KIRREL3: variants seen among roughly 807,000 people sequenced by gnomAD.
The protein encoded by KIRREL3 is kirre like nephrin family adhesion molecule 3.
In KIRREL3, 36 loss-of-function variants were observed where a neutral mutation model predicts 89.7. The ratio of observed to expected loss-of-function variants is 0.40; its 90% confidence interval spans 0.31 to 0.53. The LOEUF (loss-of-function observed/expected upper bound fraction) is 0.53. Ranked by LOEUF, KIRREL3 falls within the 20% of genes least tolerant of loss-of-function variation. The pLI, the probability that KIRREL3 is intolerant of heterozygous loss-of-function variation, is 0.49. For missense variants in KIRREL3, 864 were observed against 1,056.6 expected (o/e 0.82, Z 2.53); for synonymous variants, 445 against 441.4 (o/e 1.01, Z -0.10).
intron 1 of KIRREL3, among the ~76,000 whole-genome samples, chr11:126,638,050 T>G (rs1280340814): frequency 6.6e-6 from 1 of 152,222 alleles, no homozygotes; most frequent in Non-Finnish European, 1.5e-5. Context: ...CGTGTGGAAC[T>G]AAGGCTCAAC....
rs747809994 is a variant in KIRREL3, at chr11:126,642,522, T to G, written c.56-79610A>C. On this transcript the variant is annotated intron_variant, in intron 1 of 16. Coordinates refer to ENST00000525144, the MANE Select transcript of KIRREL3 (RefSeq NM_032531.4). This position sits in a 1 kb window ranked among gnomAD's most constrained non-coding sequence, Gnocchi z 4.9. ...TTTCCATTCCCCATCCCCTTTCCTC[T>G]GCCTTTTCCAAGCAAACTCTTACTC... is the stretch of plus-strand genomic sequence containing the variant. Among the ~76,000 whole-genome samples the G allele has an allele frequency of 6.6e-6, 1 of 152,242 alleles. No individual in the cohort carries two copies. The highest frequency in any genetic ancestry group is 1.5e-5 in the Non-Finnish European group (1 of 68,046).
chr11:126,889,287 C>A (rs998167179), intron 1 of KIRREL3, among the ~76,000 whole-genome samples: 1 of 151,610 alleles, frequency 6.6e-6, no homozygotes, highest in Non-Finnish European at 1.5e-5. Context: ...ACTAGTTTGC[C>A]TTTTTAAAAA....
At chr11:126,436,067 G>T (rs1955320733) in intron 12 of KIRREL3, among the ~76,000 whole-genome samples, 1 of 152,228 alleles carries the variant, frequency 6.6e-6, no homozygotes, top group Non-Finnish European at 1.5e-5. Context: ...GTGCCTGAGA[G>T]CTCTGAGCAG....
chr11:126,468,252 G>A (rs193112245), intron 5 of KIRREL3, among the ~76,000 whole-genome samples: 1 of 152,218 alleles, frequency 6.6e-6, no homozygotes, highest in Non-Finnish European at 1.5e-5. Flanking sequence ...CTGGCGCCAG[G>A]CCCTCAGAAG....
chr11:126,446,266 C>CTT lies in KIRREL3; in HGVS notation c.1125+492_1125+493insAA, dbSNP rs750898586. Among the ~76,000 whole-genome samples, 54 of 43,956 alleles carry CTT rather than the reference C, an allele frequency of 1.2e-3. 1 individual carries two copies. Among genetic ancestry groups the CTT allele is most frequent in the Admixed American group, 3.7e-3 (12 of 3,238 alleles). 28.8% of individuals were successfully genotyped at this position (43,956 alleles called of 152,430 possible). On this transcript the variant is annotated intron_variant, in intron 9 of 16. Transcript: ENST00000525144. Reference sequence around the variant, plus strand: ...CTTTCTTTCTCTTTCTTTTCTTTCTCTCTCTTTCTTTTCTTTCTCCTTTCT... The same window carrying CTT: ...CTTTCTTTCTCTTTCTTTTCTTTCTCTTTCTCTTTCTTTTCTTTCTCCTTTCT...
In KIRREL3 at chr11:126,997,370, AG is replaced by A. The variant is rs1459810790; in HGVS notation, c.55+3084del. Among the ~76,000 whole-genome samples the A allele has an allele frequency of 6.6e-6, 1 of 152,164 alleles. No homozygotes were observed. Among genetic ancestry groups the A allele is most frequent in the Non-Finnish European group, 1.5e-5 (1 of 68,024 alleles). On this transcript the variant is annotated intron_variant, in intron 1 of 16. Coordinates refer to ENST00000525144, the MANE Select transcript of KIRREL3 (RefSeq NM_032531.4). This position sits in a 1 kb window ranked among gnomAD's most constrained non-coding sequence, Gnocchi z 4.3. The stretch of plus-strand genomic sequence containing the variant: ...GCTGAGGGAAGAGGCATCCACGGCA[AG>A]GGAGAAGCCCACAAGCAGTACACAC...
rs569209516 is a variant in KIRREL3, at chr11:126,729,364, C to A, written c.56-166452G>T. On this transcript the variant is annotated intron_variant, in intron 1 of 16. Coordinates refer to ENST00000525144, the MANE Select transcript of KIRREL3 (RefSeq NM_032531.4). This position sits in a 1 kb window ranked among gnomAD's most constrained non-coding sequence, Gnocchi z 4.5. ...ATAGAAGAAGAAACAGGAAGTGGAG[C>A]CTGGTGAGGAACAAAAGGTGTCACA... Among the ~76,000 whole-genome samples, 14 of 152,206 alleles carry A rather than the reference C, an allele frequency of 9.2e-5. 1 individual carries two copies. The highest frequency in any genetic ancestry group is 9.2e-4 in the Admixed American group (14 of 15,290).
intron 1 of KIRREL3, among the ~76,000 whole-genome samples, chr11:126,858,131 A>C: frequency 6.6e-6 from 1 of 152,174 alleles, no homozygotes; most frequent in Non-Finnish European, 1.5e-5. Context: ...GCTGGGAAGC[A>C]ATTTGGTCCA....
rs982021936 is a variant in KIRREL3 at position 126,890,450 on chromosome 11, G to A, written c.55+110005C>T. 6.6e-6 allele frequency among the ~76,000 whole-genome samples: 1 copy of A among 152,158 alleles called. No homozygotes were observed. The highest frequency in any genetic ancestry group is 2.1e-4 in the South Asian group (1 of 4,828). Reference sequence around the variant, plus strand: ...TCCCATCTATTTCTGAAAACTCCACGTGCTGGTCTGGCACTCTAATTGTCC... The same window carrying A: ...TCCCATCTATTTCTGAAAACTCCACATGCTGGTCTGGCACTCTAATTGTCC... On this transcript the variant is annotated intron_variant, in intron 1 of 16. Transcript: ENST00000525144. The surrounding 1 kb of genome is among the most constrained non-coding windows in gnomAD (Gnocchi z 5.1).
chr11:126,922,084 T>C (rs1444503417), intron 1 of KIRREL3, among the ~76,000 whole-genome samples: 1 of 151,082 alleles, frequency 6.6e-6, no homozygotes, highest in African/African-American at 2.4e-5. Flanking sequence ...CTTCCTATCA[T>C]CTATCTATAT....
At position 126,501,253 on chromosome 11, in the gene KIRREL3, C is replaced by T. The variant is rs1343632463; in HGVS notation, c.433+20062G>A. ...TCAGTTGGGTGAACCCAGGCAAACC[C>T]AGGAGTCAGCCTGGCTCTGGCCCTA... On this transcript the variant is annotated intron_variant, in intron 4 of 16. Transcript: ENST00000525144. This position sits in a 1 kb window ranked among gnomAD's most constrained non-coding sequence, Gnocchi z 5.8. Among the ~76,000 whole-genome samples, 2 of 152,208 alleles carry T rather than the reference C, an allele frequency of 1.3e-5. No individual in the cohort carries two copies. The highest frequency in any genetic ancestry group is 4.8e-5 in the African/African-American group (2 of 41,456).
rs143131194 is a variant in KIRREL3, at chr11:126,517,095, G to C, written c.433+4220C>G. On this transcript the variant is annotated intron_variant, in intron 4 of 16. Transcript: ENST00000525144. ...AAAACAAAAAACAAACCAAAAAAGT[G>C]TATGACACTTCACTGTTAGAGATTG... is the stretch of plus-strand genomic sequence containing the variant. 2.8e-3 allele frequency among the ~76,000 whole-genome samples: 410 copies of C among 144,976 alleles called. 2 individuals are homozygous for C. The highest frequency in any genetic ancestry group is 9.5e-3 in the African/African-American group (373 of 39,220).
rs1179977438 is a variant in KIRREL3 at position 126,640,951 on chromosome 11, C to T, written c.56-78039G>A. Among the ~76,000 whole-genome samples the T allele has an allele frequency of 6.6e-6, 1 of 152,158 alleles. No homozygotes were observed. Among genetic ancestry groups the T allele is most frequent in the African/African-American group, 2.4e-5 (1 of 41,424 alleles). ...TTTGTATCCACAGCCTAGACCACCC[C>T]CTAAACTCTGGACTCATCTATCCAA... On this transcript the variant is annotated intron_variant, in intron 1 of 16. Transcript: ENST00000525144. The surrounding 1 kb of genome is among the most constrained non-coding windows in gnomAD (Gnocchi z 4.9).
rs1957325309 is a variant in KIRREL3, at chr11:126,485,190, G to T, written c.434-11724C>A. On this transcript the variant is annotated intron_variant, in intron 4 of 16. Transcript: ENST00000525144. This position sits in a 1 kb window ranked among gnomAD's most constrained non-coding sequence, Gnocchi z 5.8. Reference sequence around the variant, plus strand: ...ACAATCGCACAGACGTGTCTCCAAGGAGGTTGGGGACAGAGAGAAAAGAGG... The same window carrying T: ...ACAATCGCACAGACGTGTCTCCAAGTAGGTTGGGGACAGAGAGAAAAGAGG... 6.6e-6 allele frequency among the ~76,000 whole-genome samples: 1 copy of T among 152,180 alleles called. No homozygotes were observed. Among genetic ancestry groups the T allele is most frequent in the Non-Finnish European group, 1.5e-5 (1 of 68,024 alleles).
In KIRREL3 at chr11:126,525,202, G is replaced by A. The variant is rs770563496; in HGVS notation, c.283+1336C>T. 6.6e-6 allele frequency among the ~76,000 whole-genome samples: 1 copy of A among 152,132 alleles called. No homozygotes were observed. Among genetic ancestry groups the A allele is most frequent in the Non-Finnish European group, 1.5e-5 (1 of 68,016 alleles). On this transcript the variant is annotated intron_variant, in intron 3 of 16. Coordinates refer to ENST00000525144, the MANE Select transcript of KIRREL3 (RefSeq NM_032531.4). The surrounding 1 kb of genome is among the most constrained non-coding windows in gnomAD (Gnocchi z 5.4). ...ACCCAGCAAGACCCCAGTCCCTGAC[G>A]GAAGTTGGAAACCCACTGACCGGGA... is the stretch of plus-strand genomic sequence containing the variant.
In KIRREL3 at chr11:126,929,317, G is replaced by A. The variant is rs542785078; in HGVS notation, c.55+71138C>T. On this transcript the variant is annotated intron_variant, in intron 1 of 16. Coordinates refer to ENST00000525144, the MANE Select transcript of KIRREL3 (RefSeq NM_032531.4). ...CCAAAATGTAGCTAATGATCCGAAT[G>A]AAATCCAGACAGGGAGTCAAGACAG... 1.4e-3 allele frequency among the ~76,000 whole-genome samples: 217 copies of A among 152,232 alleles called. 1 individual carries two copies. Among genetic ancestry groups the A allele is most frequent in the Non-Finnish European group, 2.4e-3 (163 of 68,008 alleles).
chr11:126,713,085 C>A (rs1379263965), intron 1 of KIRREL3, among the ~76,000 whole-genome samples: 1 of 152,138 alleles, frequency 6.6e-6, no homozygotes, highest in African/African-American at 2.4e-5. Flanking sequence ...GTGTGAGAAA[C>A]CTGAAACTGA....
chr11:126,560,398 A>G (rs1042259523), intron 2 of KIRREL3, among the ~76,000 whole-genome samples: 1 of 152,204 alleles, frequency 6.6e-6, no homozygotes, highest in Non-Finnish European at 1.5e-5. Context: ...CTCATTGACT[A>G]TCACGTGCCT....
At position 126,766,508 on chromosome 11, in the gene KIRREL3, C is replaced by T. The variant is rs1032675235; in HGVS notation, c.56-203596G>A. 6.6e-6 allele frequency among the ~76,000 whole-genome samples: 1 copy of T among 152,052 alleles called. No individual in the cohort carries two copies. The highest frequency in any genetic ancestry group is 1.5e-5 in the Non-Finnish European group (1 of 68,024). On this transcript the variant is annotated intron_variant, in intron 1 of 16. Transcript: ENST00000525144. This position sits in a 1 kb window ranked among gnomAD's most constrained non-coding sequence, Gnocchi z 4.2. ...AAAAAGGTAAGTGAGCACACAACCG[C>T]GTGTTGCTAACTCGGCAAACAGGTT... is the stretch of plus-strand genomic sequence containing the variant.
Sources: allele counts gnomAD v4.1 joint callset (sites outside exome capture counted in the v4.1 genomes callset), GRCh38; gene constraint gnomAD v4.1.1; non-coding constraint Gnocchi (gnomAD v3.1); transcripts MANE v1.5; gene names NCBI Gene and HGNC (gene_info 2026-07-23, HGNC 2026-07-21).